Variants in SLC6A9 observed in about 807,000 individuals in gnomAD.
SLC6A9 encodes solute carrier family 6 member 9, also known as sodium- and chloride-dependent glycine transporter 1.
Under a neutral mutation model 70.9 loss-of-function variants are expected in SLC6A9, and 31 were observed. The observed-to-expected ratio is 0.44, with a 90% CI of 0.33 to 0.59. The LOEUF (loss-of-function observed/expected upper bound fraction) is 0.59. SLC6A9 is among the 20% of genes least tolerant of loss of function. The pLI, the probability that SLC6A9 is intolerant of heterozygous loss-of-function variation, is 0.04. For missense variants in SLC6A9, 631 were observed against 845.2 expected, an observed-to-expected ratio of 0.75 and a Z score of 3.14; for synonymous variants, 310 against 341.3, an observed-to-expected ratio of 0.91 and a Z score of 1.01.
At position 44,010,847 on chromosome 1, in the gene SLC6A9, G is replaced by A. The variant is rs1477037491; in HGVS notation, c.66C>T (p.Asp22=). 6.2e-7 allele frequency: 1 copy of A among 1,614,104 alleles called. No individual in the cohort carries two copies. Among genetic ancestry groups the A allele is most frequent in the Non-Finnish European group, 8.5e-7 (1 of 1,180,030 alleles). ...CCCAGTTGCCCCGTTTGAGGTTCTG[G>A]TCCCTCTTGGTGGCCTCGCTGGGCA... ...GAVPSEATKR[D]QNLKRGNWGN... is the part of the protein sequence containing the mutation. Residue 22 remains aspartate, a synonymous_variant, in exon 3 of 14, where the codon GAC becomes GAT. Coordinates refer to ENST00000372310, the MANE Select transcript of SLC6A9 (RefSeq NM_001024845.3).
intron 3 of SLC6A9, chr1:44,010,462 G>GGGGA (rs1553162565): frequency 4.4e-6 from 1 of 229,566 alleles, no homozygotes. Context: ...TGGGCGGGGG[G>GGGGA]GGGGGGGGGT....
At chr1:44,012,617 C>G (rs575603156) in intron 2 of SLC6A9, among the ~76,000 whole-genome samples, 2 of 152,356 alleles carry the variant, frequency 1.3e-5, no homozygotes, top group East Asian at 3.9e-4. Context: ...GAGCTCCTAC[C>G]CATTCGGAGC....
At chr1:44,011,661 G>C (rs190365319) in intron 2 of SLC6A9, 2 of 1,614,104 alleles carry the variant, frequency 1.2e-6, no homozygotes, top group African/African-American at 1.3e-5. Flanking sequence ...TAGGGAAGTA[G>C]AGGGAGTGGC....
At chr1:44,005,398 C>T (rs1557675681) in intron 5 of SLC6A9, among the ~76,000 whole-genome samples, 2 of 152,194 alleles carry the variant, frequency 1.3e-5, no homozygotes, top group Admixed American at 6.5e-5. Context: ...GAGCTTCTCT[C>T]GCTTTAGAGT....
chr1:44,005,514 G>A (rs527378099), intron 5 of SLC6A9, among the ~76,000 whole-genome samples: 1 of 152,178 alleles, frequency 6.6e-6, no homozygotes, highest in East Asian at 1.9e-4. Context: ...CAGTGAGATC[G>A]CGCAGCTGTC....
chr1:44,024,185 G>A (rs1383149663), intron 2 of SLC6A9, 63 bp downstream of exon 2: 3 of 1,534,102 alleles, frequency 2.0e-6, no homozygotes, highest in Non-Finnish European at 2.7e-6. Context: ...GCAGCTGGCA[G>A]GAGGTCCTGG....
At chr1:44,028,355 A>G (rs1446554742) in intron 1 of SLC6A9, among the ~76,000 whole-genome samples, 1 of 152,232 alleles carries the variant, frequency 6.6e-6, no homozygotes, top group Non-Finnish European at 1.5e-5. Flanking sequence ...ATCAACTTCA[A>G]GGAGGAGCCA....
intron 5 of SLC6A9, among the ~76,000 whole-genome samples, chr1:44,004,392 C>T (rs2086237201): frequency 6.6e-6 from 1 of 152,154 alleles, no homozygotes; most frequent in African/African-American, 2.4e-5. Context: ...ATAGCCCAGG[C>T]TGGAGTGCAA....
At chr1:44,016,947 C>G in intron 2 of SLC6A9, 1 of 1,261,498 alleles carries the variant, frequency 7.9e-7, no homozygotes, top group Non-Finnish European at 1.1e-6. Flanking sequence ...GCCTGCCCCT[C>G]CCTGGCACAG....
At position 44,013,105 on chromosome 1, in the gene SLC6A9, G is replaced by A. The variant is rs1005077943; in HGVS notation, c.31-2223C>T. Among the ~76,000 whole-genome samples, 1 of 152,214 alleles carries A rather than the reference G, an allele frequency of 6.6e-6. No homozygotes were observed. The highest frequency in any genetic ancestry group is 2.4e-5 in the African/African-American group (1 of 41,460). ...TGATTGTGCCAGCAGCACAGTACAC[G>A]GATGGGGTCACAGAGCAGCAGTTAC... On this transcript the variant is annotated intron_variant, in intron 2 of 13. Coordinates refer to ENST00000372310, the MANE Select transcript of SLC6A9 (RefSeq NM_001024845.3). This position sits in a 1 kb window ranked among gnomAD's most constrained non-coding sequence, Gnocchi z 5.3.
At chr1:44,001,888 C>G (rs1285768670) in intron 8 of SLC6A9, among the ~76,000 whole-genome samples, 1 of 152,150 alleles carries the variant, frequency 6.6e-6, no homozygotes, top group African/African-American at 2.4e-5. Flanking sequence ...CCACCACACC[C>G]AGCTAATTTT....
At chr1:44,017,400 C>T (rs1375102955) in intron 2 of SLC6A9, 2 of 1,162,958 alleles carry the variant, frequency 1.7e-6, no homozygotes, top group South Asian at 3.7e-5. Context: ...CACACACACA[C>T]ACACACACAG....
At chr1:44,003,191 T>A (rs1200493094) in intron 5 of SLC6A9, among the ~76,000 whole-genome samples, 1 of 152,194 alleles carries the variant, frequency 6.6e-6, no homozygotes, top group Non-Finnish European at 1.5e-5. Flanking sequence ...CCCAACACAG[T>A]CCACTGCTCT....
At chr1:44,007,017 C>A (rs889294806) in intron 5 of SLC6A9, among the ~76,000 whole-genome samples, 11 of 152,196 alleles carry the variant, frequency 7.2e-5, no homozygotes, top group African/African-American at 2.7e-4. Context: ...TTATATGATG[C>A]CTGCTGGCCT....
intron 2 of SLC6A9, chr1:44,017,405 A>G: frequency 3.6e-6 from 4 of 1,116,354 alleles, no homozygotes; most frequent in Non-Finnish European, 4.5e-6. Flanking sequence ...ACACACACAC[A>G]CACAGACTGG....
At chr1:44,011,716 G>A (rs1237403338) in intron 2 of SLC6A9, 1 of 1,613,892 alleles carries the variant, frequency 6.2e-7, no homozygotes, top group South Asian at 1.1e-5. Context: ...ACAGGGAGAA[G>A]CGTCACCTGC....
At chr1:44,009,631 G>A (rs1484877973) in intron 4 of SLC6A9, among the ~76,000 whole-genome samples, 1 of 152,242 alleles carries the variant, frequency 6.6e-6, no homozygotes, top group African/African-American at 2.4e-5. Context: ...GAGCCACTGT[G>A]CCTGGCCCGA....
At chr1:44,005,953 T>C (rs1344079984) in intron 5 of SLC6A9, among the ~76,000 whole-genome samples, 3 of 152,176 alleles carry the variant, frequency 2.0e-5, no homozygotes, top group Non-Finnish European at 2.9e-5. Context: ...CCAGATTTCT[T>C]TGAAGGCTCT....
In SLC6A9 at chr1:44,024,290, T is replaced by G. The variant is rs761031553; in HGVS notation, c.-13A>C. 1 of 1,614,154 alleles carries G rather than the reference T, an allele frequency of 6.2e-7. No homozygotes were observed. Among genetic ancestry groups the G allele is most frequent in the Non-Finnish European group, 8.5e-7 (1 of 1,179,994 alleles). On this transcript the variant is annotated 5_prime_UTR_variant, in exon 2 of 14. Coordinates refer to ENST00000372310, the MANE Select transcript of SLC6A9 (RefSeq NM_001024845.3). The stretch of plus-strand genomic sequence containing the variant: ...CTTTTCCTACCATGGCGGCGGTGGG[T>G]TGGGGCTCTGGTGACGGGGACCACA...
Sources: gnomAD v4.1 joint callset for allele counts (sites outside exome capture counted in the v4.1 genomes callset) on GRCh38, gnomAD v4.1.1 for gene constraint, Gnocchi (gnomAD v3.1) non-coding constraint, MANE v1.5 for transcripts, NCBI Gene and HGNC (gene_info 2026-07-23, HGNC 2026-07-21) for gene names.